Variants in CPXM2 observed in about 807,000 individuals in gnomAD.
CPXM2 encodes the protein inactive carboxypeptidase-like protein X2.
CPXM2 carries 66 observed loss-of-function variants against 86.1 expected under a neutral mutation model. The ratio of observed to expected loss-of-function variants is 0.77; its 90% CI spans 0.63 to 0.94. CPXM2 has a LOEUF of 0.94. Among genes scored for constraint, CPXM2 ranks in the 40% least tolerant of loss-of-function variants. CPXM2 has a pLI of 0.00. For missense variants in CPXM2, 948 were observed against 1,026.3 expected (o/e 0.92, Z 1.04); for synonymous variants, 388 against 400.2 (o/e 0.97, Z 0.36).
At chr10:123,757,113 C>T in intron 12 of CPXM2, 100 bp downstream of exon 12, 1 of 1,134,478 alleles carries the variant, frequency 8.8e-7, no homozygotes, top group Non-Finnish European at 1.3e-6. Context: ...GGATGACGGC[C>T]AAGGTCTGAA....
At position 123,768,630 on chromosome 10, in the gene CPXM2, C is replaced by A. The variant is rs375547613; in HGVS notation, c.1195G>T (p.Glu399Ter). ...ATGCGCGCATTCCGGGCCAAGTACT[C>A]CTGACACACGAACTGCACCAGCAGC... ...LLLLVQFVCQ[E>*]YLARNARIVH... Residue 399 changes from glutamate to a stop codon, truncating the protein, a stop_gained, in exon 9 of 14, where the codon GAG becomes TAG. Transcript: ENST00000241305. LOFTEE classifies it high-confidence loss of function. 28 of 1,613,986 alleles carry A rather than the reference C, an allele frequency of 1.7e-5. No homozygotes were observed. The African/African-American group carries it at 2.9e-4, about 17-fold the overall frequency.
At chr10:123,815,149 A>G (rs1328810519) in intron 4 of CPXM2, among the ~76,000 whole-genome samples, 3 of 152,250 alleles carry the variant, frequency 2.0e-5, no homozygotes, top group Non-Finnish European at 4.4e-5. Flanking sequence ...ACCAAGGGAC[A>G]TAATGAATCT....
intron 13 of CPXM2, chr10:123,750,360 G>A: frequency 1.0e-6 from 1 of 970,196 alleles, no homozygotes; most frequent in East Asian, 1.1e-4. Context: ...CTCCCAGCCG[G>A]CCTCTCTCCA....
chr10:123,800,033 T>G (rs894545057), intron 4 of CPXM2, among the ~76,000 whole-genome samples: 1 of 150,286 alleles, frequency 6.7e-6, no homozygotes, highest in Non-Finnish European at 1.5e-5. Context: ...TTTTGGTTTT[T>G]TTTTTTTTTT....
upstream of CPXM2, among the ~76,000 whole-genome samples, chr10:123,896,034 T>C (rs28687195): frequency 0.15 from 22,268 of 152,208 alleles, 1,842 homozygotes; most frequent in Admixed American, 0.24. Context: ...GCTAATAATT[T>C]TTCAAATATT....
intron 3 of CPXM2, among the ~76,000 whole-genome samples, chr10:123,859,493 A>ATGTC (rs929746730): frequency 5.1e-4 from 77 of 152,292 alleles, no homozygotes; most frequent in African/African-American, 1.5e-3. Flanking sequence ...CTGGGGCTGT[A>ATGTC]TGTCGAAGCC....
At chr10:123,884,200 C>T (rs1347165816) in intron 1 of CPXM2, among the ~76,000 whole-genome samples, 1 of 152,146 alleles carries the variant, frequency 6.6e-6, no homozygotes, top group Non-Finnish European at 1.5e-5. Flanking sequence ...GCTCTGAGGT[C>T]CTTGTCTGCT....
At chr10:123,776,968 A>T (rs757242009) in intron 7 of CPXM2, 8 of 152,200 alleles carry the variant, frequency 5.3e-5, no homozygotes, top group Non-Finnish European at 8.8e-5. Context: ...CTCTTCTGCC[A>T]TCGTTCCTCA....
chr10:123,807,800 T>C (rs1042931431), intron 4 of CPXM2, among the ~76,000 whole-genome samples: 2 of 152,246 alleles, frequency 1.3e-5, no homozygotes, highest in African/African-American at 2.4e-5. Flanking sequence ...ATAATGTCAC[T>C]GTTTCCTGGT....
chr10:123,803,622 T>C (rs1021227383), intron 4 of CPXM2, among the ~76,000 whole-genome samples: 2 of 152,132 alleles, frequency 1.3e-5, no homozygotes, highest in Non-Finnish European at 2.9e-5. Flanking sequence ...TACCATATAG[T>C]GTGACGGGTC....
At chr10:123,864,927 C>T (rs990409325) in intron 2 of CPXM2, among the ~76,000 whole-genome samples, 5 of 152,174 alleles carry the variant, frequency 3.3e-5, no homozygotes, top group Non-Finnish European at 7.3e-5. Context: ...AAAGAAAGTG[C>T]CCCCAAGTGA....
At chr10:123,810,194 T>C (rs1847661968) in intron 4 of CPXM2, among the ~76,000 whole-genome samples, 1 of 151,918 alleles carries the variant, frequency 6.6e-6, no homozygotes, top group Non-Finnish European at 1.5e-5. Flanking sequence ...AGGAATAAAA[T>C]AACAATTTTA....
intron 6 of CPXM2, among the ~76,000 whole-genome samples, chr10:123,787,907 T>C (rs547507432): frequency 6.6e-6 from 1 of 152,256 alleles, no homozygotes. Context: ...CCCATTTTTC[T>C]AAGAGATGGT....
chr10:123,828,534 C>G (rs1848094018), intron 4 of CPXM2, among the ~76,000 whole-genome samples: 1 of 152,204 alleles, frequency 6.6e-6, no homozygotes, highest in Non-Finnish European at 1.5e-5. Context: ...CAAGCTCTCT[C>G]TTGCCTGCCA....
intron 2 of CPXM2, among the ~76,000 whole-genome samples, chr10:123,866,496 C>T (rs926276242): frequency 4.0e-5 from 6 of 151,506 alleles, no homozygotes; most frequent in African/African-American, 1.5e-4. Flanking sequence ...ACCTGGGAGG[C>T]GGAGGTTGCA....
chr10:123,790,715 G>A (rs1036655572), intron 6 of CPXM2, among the ~76,000 whole-genome samples: 19 of 152,226 alleles, frequency 1.2e-4, no homozygotes, highest in East Asian at 3.9e-4. Context: ...CTCCCCCATC[G>A]TGCCAAGAGA....
chr10:123,822,724 AAATAATAATAAT>A (rs10603506), intron 4 of CPXM2, among the ~76,000 whole-genome samples: 2 of 150,022 alleles, frequency 1.3e-5, no homozygotes, highest in Middle Eastern at 3.4e-3. Context: ...ATGGACCTGA[AAATAATAATAAT>A]AATAATAATA....
At chr10:123,868,782 C>T (rs531324147) in intron 2 of CPXM2, among the ~76,000 whole-genome samples, 6 of 152,186 alleles carry the variant, frequency 3.9e-5, no homozygotes, top group East Asian at 3.9e-4. Context: ...CAAGCAGACA[C>T]GTGACCGGCA....
Position 123,746,626 on chromosome 10 carries a change from C to G in CPXM2, c.*138G>C. ...AGCCTCCAGCCTTCCCTTTTGGGAC[C>G]TGCCTCACAATGCACCCTCTCTTCC... On this transcript the variant is annotated 3_prime_UTR_variant, in exon 14 of 14. Transcript: ENST00000241305. 1 of 807,742 alleles carries G rather than the reference C, an allele frequency of 1.2e-6. No individual in the cohort carries two copies. The highest frequency in any genetic ancestry group is 2.5e-5 in the East Asian group (1 of 40,162). The allele number at this position is 807,742 out of a possible 1,614,324, so 50.0% of individuals were successfully genotyped here. A position where few individuals can be genotyped will look rare whatever the true frequency, so the allele number is the denominator to read the frequency against.
Sources: allele counts gnomAD v4.1 joint callset (sites outside exome capture counted in the v4.1 genomes callset), GRCh38; gene constraint gnomAD v4.1.1; transcripts MANE v1.5; gene names NCBI Gene and HGNC (gene_info 2026-07-23, HGNC 2026-07-21).